The following LRRC1 variants were observed in gnomAD, a reference collection of about 807,000 sequenced individuals.
LRRC1 encodes leucine-rich repeat-containing protein 1.
LRRC1 carries 28 observed loss-of-function variants against 69.9 expected under a neutral mutation model. That is an observed-to-expected ratio of 0.40 (90% confidence interval 0.30 to 0.55). The LOEUF (loss-of-function observed/expected upper bound fraction) is 0.55, where lower values mean the gene tolerates loss of function less well. Among genes scored for constraint, LRRC1 ranks in the 20% least tolerant of loss-of-function variants. LRRC1 has a pLI of 0.47. For synonymous variants in LRRC1, 236 were observed against 240.2 expected, an observed-to-expected ratio of 0.98 and a Z score of 0.16; for missense variants, 498 against 609.0, an observed-to-expected ratio of 0.82 and a Z score of 1.92.
intron 2 of LRRC1, among the ~76,000 whole-genome samples, chr6:53,847,855 C>CTAA (rs1765997047): frequency 6.6e-6 from 1 of 152,184 alleles, no homozygotes; most frequent in African/African-American, 2.4e-5. Flanking sequence ...TCTAGTGTGC[C>CTAA]TAAAAGTCCT....
chr6:53,901,075 C>T (rs1375353154), intron 8 of LRRC1, among the ~76,000 whole-genome samples: 1 of 152,034 alleles, frequency 6.6e-6, no homozygotes, highest in African/African-American at 2.4e-5. Context: ...GAGATGTTCA[C>T]TGAGAATCGT....
intron 2 of LRRC1, among the ~76,000 whole-genome samples, chr6:53,878,079 C>T (rs1767132647): frequency 6.6e-6 from 1 of 152,136 alleles, no homozygotes; most frequent in African/African-American, 2.4e-5. Context: ...TGACGACAGG[C>T]AAAGAGAGCT....
intron 1 of LRRC1, among the ~76,000 whole-genome samples, chr6:53,798,556 T>C (rs1764370625): frequency 6.6e-6 from 1 of 152,122 alleles, no homozygotes; most frequent in South Asian, 2.1e-4. Context: ...TTTTTTAGTA[T>C]TTTTAGTAGA....
intron 2 of LRRC1, among the ~76,000 whole-genome samples, chr6:53,856,245 A>T (rs56093057): frequency 0.017 from 2,542 of 152,336 alleles, 74 homozygotes; most frequent in African/African-American, 0.059. Flanking sequence ...TTCTTTCATG[A>T]ACATTTAACC....
At chr6:53,896,656 G>A (rs1161880744) in intron 5 of LRRC1, 102 bp downstream of exon 5, 5 of 1,168,002 alleles carry the variant, frequency 4.3e-6, no homozygotes, top group East Asian at 4.7e-5. Flanking sequence ...GTGTGTTTTG[G>A]GAAGTTTGGG....
intron 4 of LRRC1, among the ~76,000 whole-genome samples, chr6:53,888,671 A>G (rs979854423): frequency 1.3e-5 from 2 of 152,220 alleles, no homozygotes; most frequent in Non-Finnish European, 1.5e-5. Context: ...ATACAAAAGA[A>G]TGAAGTTATA....
intron 4 of LRRC1, among the ~76,000 whole-genome samples, chr6:53,893,712 T>C (rs545861548): frequency 2.0e-5 from 3 of 152,342 alleles, no homozygotes; most frequent in African/African-American, 7.2e-5. Flanking sequence ...ATTTTTACTT[T>C]TGAAATATTA....
At chr6:53,837,454 T>C (rs748291617) in intron 1 of LRRC1, among the ~76,000 whole-genome samples, 7 of 152,222 alleles carry the variant, frequency 4.6e-5, no homozygotes, top group East Asian at 1.9e-4. Context: ...TTATGTAGGA[T>C]GAAAAGGGGT....
At chr6:53,906,459 A>C (rs1460942657) in intron 10 of LRRC1, among the ~76,000 whole-genome samples, 1 of 152,238 alleles carries the variant, frequency 6.6e-6, no homozygotes, top group Non-Finnish European at 1.5e-5. Context: ...GTTAATTCCC[A>C]GCAAGTTTCA....
chr6:53,835,609 T>A (rs1765591945), intron 1 of LRRC1, among the ~76,000 whole-genome samples: 1 of 152,232 alleles, frequency 6.6e-6, no homozygotes, highest in Non-Finnish European at 1.5e-5. Flanking sequence ...TTGAATTATC[T>A]GCTTTAACCA....
chr6:53,815,415 C>T (rs551443658), intron 1 of LRRC1, among the ~76,000 whole-genome samples: 1 of 151,976 alleles, frequency 6.6e-6, no homozygotes, highest in East Asian at 1.9e-4. Context: ...CTTGGGCCTC[C>T]TCCTGGGCCA....
At position 53,882,879 on chromosome 6, in the gene LRRC1, G is replaced by T; in HGVS notation, c.357-8G>T. On this transcript the variant is annotated splice_region_variant and splice_polypyrimidine_tract_variant and intron_variant, in intron 3 of 13. Coordinates refer to ENST00000370888, the MANE Select transcript of LRRC1 (RefSeq NM_018214.5). ...TTTACAGCGTTTTGTTTGTTTGTTTGATTTTAGGTTGCCAGAAAGCTTTCC... is the reference window on the plus strand; with the variant it reads ...TTTACAGCGTTTTGTTTGTTTGTTTTATTTTAGGTTGCCAGAAAGCTTTCC... 6.3e-7 allele frequency: 1 copy of T among 1,584,796 alleles called. No homozygotes were observed. The highest frequency in any genetic ancestry group is 1.1e-5 in the South Asian group (1 of 88,366).
intron 10 of LRRC1, among the ~76,000 whole-genome samples, chr6:53,909,949 G>A (rs1023925391): frequency 2.0e-5 from 3 of 152,126 alleles, no homozygotes; most frequent in South Asian, 2.1e-4. Flanking sequence ...ATAAACAGAC[G>A]TGACTAACAT....
intron 1 of LRRC1, among the ~76,000 whole-genome samples, chr6:53,831,540 A>T (rs1581859976): frequency 1.3e-5 from 2 of 152,176 alleles, no homozygotes; most frequent in Admixed American, 1.3e-4. Context: ...TGGCTGCAAT[A>T]AATTGTATTA....
intron 2 of LRRC1, among the ~76,000 whole-genome samples, chr6:53,875,744 G>T (rs935612233): frequency 6.6e-6 from 1 of 152,058 alleles, no homozygotes; most frequent in Non-Finnish European, 1.5e-5. Context: ...GGTAGTGGCG[G>T]TTTTTGTTAT....
chr6:53,796,984 G>A (rs1464750304), intron 1 of LRRC1, among the ~76,000 whole-genome samples: 1 of 152,108 alleles, frequency 6.6e-6, no homozygotes, highest in Non-Finnish European at 1.5e-5. Flanking sequence ...TATTGAAGAT[G>A]GAGTGAAAAG....
chr6:53,871,645 A>C (rs574675183), intron 2 of LRRC1, among the ~76,000 whole-genome samples: 1 of 152,132 alleles, frequency 6.6e-6, no homozygotes, highest in East Asian at 1.9e-4. Flanking sequence ...GTTTGATAAA[A>C]TCCCATCTGT....
chr6:53,885,318 G>T (rs1308556684), intron 4 of LRRC1, among the ~76,000 whole-genome samples: 5 of 152,170 alleles, frequency 3.3e-5, no homozygotes, highest in African/African-American at 1.2e-4. Flanking sequence ...TTGTGGCAAG[G>T]CTTCATTCAT....
At chr6:53,904,331 A>G (rs368941794) in intron 9 of LRRC1, 48 bp from the exon 10 acceptor site, 3 of 1,107,094 alleles carry the variant, frequency 2.7e-6, no homozygotes, top group African/African-American at 3.1e-5. Context: ...ACTGTGAGCC[A>G]TGTTAAAAAT....
Sources: allele counts gnomAD v4.1 joint callset (sites outside exome capture counted in the v4.1 genomes callset), GRCh38; gene constraint gnomAD v4.1.1; transcripts MANE v1.5; gene names NCBI Gene and HGNC (gene_info 2026-07-23, HGNC 2026-07-21).